The following GNB4 variants were observed in gnomAD, a reference collection of about 807,000 sequenced individuals.
GNB4 encodes the protein guanine nucleotide-binding protein subunit beta-4.
Under a neutral mutation model 45.2 loss-of-function variants are expected in GNB4, and 28 were observed. That is an observed-to-expected ratio of 0.62 (90% CI 0.46 to 0.85). The LOEUF is 0.85. Among genes scored for constraint, GNB4 ranks in the 40% least tolerant of loss-of-function variants. The pLI is 0.00. For synonymous variants in GNB4, 132 were observed against 143.7 expected (o/e 0.92, Z 0.58); for missense variants, 321 against 425.4 (o/e 0.75, Z 2.16).
the GNB4 span, among the ~76,000 whole-genome samples, chr3:179,508,957 G>T: frequency 9.0e-4 from 26 of 28,770 alleles, no homozygotes; most frequent in East Asian, 3.7e-3. Flanking sequence ...TATATATATA[G>T]TCCCTGTAAT....
intron 1 of GNB4, chr3:179,437,697 G>C (rs1415390509): frequency 6.6e-6 from 1 of 152,164 alleles, no homozygotes; most frequent in Non-Finnish European, 1.5e-5. Context: ...AAAACCTGTA[G>C]TTTTCAAGAG....
At chr3:179,465,100 T>A in the GNB4 span, 1 of 1,429,414 alleles carries the variant, frequency 7.0e-7, no homozygotes, top group East Asian at 2.3e-5. Flanking sequence ...TTGTAATATC[T>A]GCTGCAGGTA....
the GNB4 span, among the ~76,000 whole-genome samples, chr3:179,498,749 GTT>G: frequency 1.5e-5 from 2 of 130,798 alleles, no homozygotes; most frequent in Admixed American, 7.5e-5. Context: ...TTGAGGTTTG[GTT>G]TTTTTTTTTT....
the GNB4 span, among the ~76,000 whole-genome samples, chr3:179,518,483 C>T: frequency 1.3e-5 from 2 of 152,052 alleles, no homozygotes; most frequent in Non-Finnish European, 2.9e-5. Flanking sequence ...TCCTTTTCTA[C>T]AGACCCGTCT....
chr3:179,452,048 C>T (rs1475810932), upstream of GNB4, among the ~76,000 whole-genome samples: 1 of 152,112 alleles, frequency 6.6e-6, no homozygotes, highest in Non-Finnish European at 1.5e-5. Flanking sequence ...CATAAAGGTG[C>T]TAAGCATATT....
the GNB4 span, among the ~76,000 whole-genome samples, chr3:179,463,633 G>C: frequency 1.3e-5 from 2 of 152,164 alleles, no homozygotes; most frequent in Non-Finnish European, 2.9e-5. Flanking sequence ...TAAAACTTGT[G>C]ATGTTTTTAC....
At chr3:179,486,453 A>G in the GNB4 span, among the ~76,000 whole-genome samples, 2 of 152,136 alleles carry the variant, frequency 1.3e-5, no homozygotes, top group Non-Finnish European at 2.9e-5. Flanking sequence ...TCCAATTTCT[A>G]GCTATTATCA....
intron 2 of GNB4, among the ~76,000 whole-genome samples, chr3:179,421,658 T>C (rs1392991409): frequency 6.6e-6 from 1 of 152,232 alleles, no homozygotes; most frequent in African/African-American, 2.4e-5. Context: ...AATGGACAAC[T>C]TGTTCCAGTC....
chr3:179,468,667 C>A, the GNB4 span, among the ~76,000 whole-genome samples: 1 of 152,142 alleles, frequency 6.6e-6, no homozygotes, highest in Non-Finnish European at 1.5e-5. Context: ...AAAGCAGATT[C>A]TTTGTAGCAG....
At chr3:179,420,970 G>C in intron 2 of GNB4, 43 bp from the exon 3 acceptor site, 1 of 1,116,058 alleles carries the variant, frequency 9.0e-7, no homozygotes, top group South Asian at 1.3e-5. Context: ...AGCAACCTGT[G>C]GAATGACTAA....
chr3:179,442,796 A>T (rs1201129356), intron 1 of GNB4, among the ~76,000 whole-genome samples: 5 of 147,042 alleles, frequency 3.4e-5, no homozygotes, highest in African/African-American at 7.5e-5. Flanking sequence ...CAAGCTAATT[A>T]AAAAAAAAAA....
chr3:179,462,802 A>C, the GNB4 span, among the ~76,000 whole-genome samples: 2 of 152,190 alleles, frequency 1.3e-5, no homozygotes, highest in African/African-American at 4.8e-5. Flanking sequence ...ACACCATTGC[A>C]TTCTAGCCTG....
At chr3:179,419,842 G>A (rs555078711) in intron 3 of GNB4, among the ~76,000 whole-genome samples, 1 of 152,092 alleles carries the variant, frequency 6.6e-6, no homozygotes, top group African/African-American at 2.4e-5. Context: ...AATGATCACA[G>A]TAAACATTTA....
the GNB4 span, among the ~76,000 whole-genome samples, chr3:179,491,016 T>C: frequency 6.6e-6 from 1 of 152,264 alleles, no homozygotes; most frequent in Non-Finnish European, 1.5e-5. Context: ...GATCAATGGA[T>C]GCCAACAACA....
At position 179,407,917 on chromosome 3, in the gene GNB4, G is replaced by T. The variant is rs374047651; in HGVS notation, c.700-2511C>A. On this transcript the variant is annotated intron_variant, in intron 8 of 9. Transcript: ENST00000232564. ...ACCTCGTAATTTCTTGAGAAGAGGG[G>T]TTTTAAGTCTTTTGCCTCACCAGTG... Among the ~76,000 whole-genome samples, 640 of 152,228 alleles carry T rather than the reference G, an allele frequency of 4.2e-3. 9 individuals are homozygous for T. Among genetic ancestry groups the T allele is most frequent in the South Asian group, 0.028 (133 of 4,820 alleles).
chr3:179,526,526 G>A, the GNB4 span, among the ~76,000 whole-genome samples: 1 of 152,194 alleles, frequency 6.6e-6, no homozygotes. Flanking sequence ...AATGAAAATA[G>A]GAGTTTCTGG....
intron 8 of GNB4, among the ~76,000 whole-genome samples, chr3:179,411,759 T>C (rs1160254445): frequency 6.6e-6 from 1 of 152,210 alleles, no homozygotes; most frequent in African/African-American, 2.4e-5. Context: ...TCTCTGATGT[T>C]TTCTATAAAA....
chr3:179,509,658 T>A, the GNB4 span, among the ~76,000 whole-genome samples: 7 of 151,686 alleles, frequency 4.6e-5, no homozygotes, highest in Non-Finnish European at 1.0e-4. Context: ...TCCCTCTTTT[T>A]TTTTTTTTTT....
At chr3:179,503,970 G>C in the GNB4 span, among the ~76,000 whole-genome samples, 12 of 152,114 alleles carry the variant, frequency 7.9e-5, no homozygotes, top group African/African-American at 2.9e-4. Context: ...GAACTAAACA[G>C]GGGAATGGCT....
Sources: gnomAD v4.1 joint callset for allele counts (sites outside exome capture counted in the v4.1 genomes callset) on GRCh38, gnomAD v4.1.1 for gene constraint, MANE v1.5 for transcripts, NCBI Gene and HGNC (gene_info 2026-07-23, HGNC 2026-07-21) for gene names.